Variants in SYT14 observed in about 807,000 individuals in gnomAD.
SYT14 encodes the protein synaptotagmin-14.
Under a neutral mutation model 74.2 loss-of-function variants are expected in SYT14, and 32 were observed. That is an observed-to-expected ratio of 0.43 (90% confidence interval 0.33 to 0.58). The LOEUF is 0.58. Among genes scored for constraint, SYT14 ranks in the 20% least tolerant of loss-of-function variants. The probability of loss-of-function intolerance (pLI) is 0.05; values close to 1 mark genes in which losing one functional copy is unlikely to be tolerated. For missense variants in SYT14, 791 were observed against 981.8 expected (o/e 0.81, Z 2.60); for synonymous variants, 298 against 337.7 (o/e 0.88, Z 1.29).
chr1:210,169,553 AAATT>A (rs1331752578), exon 10 of SYT14: 2 of 151,900 alleles, frequency 1.3e-5, no homozygotes, highest in Admixed American at 6.6e-5. Context: ...TTGCGTTATA[AAATT>A]AATTGATTTA....
At chr1:209,974,513 G>T (rs2079320171) in intron 2 of SYT14, among the ~76,000 whole-genome samples, 1 of 151,704 alleles carries the variant, frequency 6.6e-6, no homozygotes, top group Non-Finnish European at 1.5e-5. Context: ...TCAAAGATCG[G>T]GTGGTTGTAG....
intron 6 of SYT14, among the ~76,000 whole-genome samples, chr1:210,097,573 T>G (rs1288408919): frequency 1.3e-5 from 2 of 151,990 alleles, no homozygotes; most frequent in African/African-American, 4.8e-5. Context: ...AAAATAGCTA[T>G]CTAGGACCTG....
intron 7 of SYT14, among the ~76,000 whole-genome samples, chr1:210,153,523 T>C (rs573266674): frequency 6.6e-6 from 1 of 152,324 alleles, no homozygotes; most frequent in South Asian, 2.1e-4. Flanking sequence ...CTACATATTT[T>C]ATATTTAAAT....
In SYT14 at chr1:209,993,259, G is replaced by T. The variant is rs55912462; in HGVS notation, c.-485-20374G>T. Among the ~76,000 whole-genome samples, 68 of 152,364 alleles carry T rather than the reference G, an allele frequency of 4.5e-4. 1 individual carries two copies. Among genetic ancestry groups the T allele is most frequent in the African/African-American group, 1.6e-3 (67 of 41,594 alleles). ...GCCATGGAACAGGGGCACATCTGTT[G>T]TGCAAGCTCGCCTGTCGACTGCCCC... On this transcript the variant is annotated intron_variant, in intron 2 of 9. Transcript: ENST00000637265.
intron 4 of SYT14, among the ~76,000 whole-genome samples, chr1:210,017,668 T>C (rs548196063): frequency 2.6e-5 from 4 of 152,326 alleles, no homozygotes; most frequent in African/African-American, 9.6e-5. Flanking sequence ...TAATCTATTA[T>C]TATTCATGAG....
At chr1:209,963,601 C>T (rs2079109938) in intron 2 of SYT14, among the ~76,000 whole-genome samples, 1 of 152,118 alleles carries the variant, frequency 6.6e-6, no homozygotes, top group African/African-American at 2.4e-5. Flanking sequence ...CTGTCATTTT[C>T]ATGAGGAGAA....
chr1:210,120,337 A>G (rs1269630800), intron 7 of SYT14, among the ~76,000 whole-genome samples: 1 of 149,950 alleles, frequency 6.7e-6, no homozygotes, highest in East Asian at 2.0e-4. Context: ...CGGTCTTATT[A>G]CCGTAAATTT....
intron 8 of SYT14, among the ~76,000 whole-genome samples, chr1:210,158,255 A>G (rs933412875): frequency 6.6e-6 from 1 of 152,178 alleles, no homozygotes; most frequent in Non-Finnish European, 1.5e-5. Flanking sequence ...GGCCTGGGGG[A>G]TAACTGAAAT....
chr1:209,985,820 C>G (rs987472493), intron 2 of SYT14, among the ~76,000 whole-genome samples: 1 of 152,242 alleles, frequency 6.6e-6, no homozygotes, highest in African/African-American at 2.4e-5. Context: ...TACATGGAAG[C>G]CTCCAAGGCT....
chr1:209,954,948 T>C (rs1425349742), intron 2 of SYT14, among the ~76,000 whole-genome samples: 1 of 152,098 alleles, frequency 6.6e-6, no homozygotes, highest in Non-Finnish European at 1.5e-5. Flanking sequence ...TCAAGTGATA[T>C]GTCCACCTCG....
At chr1:210,157,035 G>A (rs530249391) in intron 8 of SYT14, among the ~76,000 whole-genome samples, 14 of 152,058 alleles carry the variant, frequency 9.2e-5, no homozygotes, top group Middle Eastern at 3.4e-3. Context: ...TGTTAATGCC[G>A]TAAACTAAAA....
At chr1:210,059,445 TATATATAGAG>T (rs1361547665) in intron 5 of SYT14, among the ~76,000 whole-genome samples, 9 of 96,798 alleles carry the variant, frequency 9.3e-5, no homozygotes, top group South Asian at 3.6e-4. Flanking sequence ...TATATATATA[TATATATAGAG>T]AGAGAGAGAG....
intron 5 of SYT14, among the ~76,000 whole-genome samples, chr1:210,048,453 C>A (rs2080926966): frequency 1.3e-5 from 2 of 152,306 alleles, no homozygotes; most frequent in African/African-American, 4.8e-5. Flanking sequence ...GCAGACAAGA[C>A]AAGAGAGCTG....
intron 2 of SYT14, among the ~76,000 whole-genome samples, chr1:209,996,567 A>G (rs1432331392): frequency 1.3e-5 from 2 of 152,142 alleles, no homozygotes; most frequent in South Asian, 2.1e-4. Context: ...AAACTATTCC[A>G]GGAAATCAAG....
At chr1:210,160,673 T>C in intron 9 of SYT14, 56 bp from the exon 9 acceptor site, 2 of 1,477,866 alleles carry the variant, frequency 1.4e-6, no homozygotes, top group South Asian at 1.2e-5. Context: ...CTATAAAAAA[T>C]TGTTTTGAGT....
At chr1:210,151,377 G>A (rs1487119360) in intron 7 of SYT14, among the ~76,000 whole-genome samples, 3 of 152,016 alleles carry the variant, frequency 2.0e-5, no homozygotes, top group African/African-American at 7.2e-5. Flanking sequence ...AGACAGCATC[G>A]ATATTTAATT....
chr1:209,992,476 A>G (rs1185442207), intron 2 of SYT14, among the ~76,000 whole-genome samples: 2 of 152,208 alleles, frequency 1.3e-5, no homozygotes, highest in African/African-American at 2.4e-5. Flanking sequence ...TGGGAGATAA[A>G]TAATGTGTAC....
chr1:209,969,195 T>C (rs1218235637), intron 2 of SYT14, among the ~76,000 whole-genome samples: 1 of 152,180 alleles, frequency 6.6e-6, no homozygotes, highest in African/African-American at 2.4e-5. Context: ...TGAATAATGC[T>C]GTGGTGAACA....
At chr1:209,945,273 G>A (rs918251507) in intron 1 of SYT14, among the ~76,000 whole-genome samples, 6 of 152,164 alleles carry the variant, frequency 3.9e-5, no homozygotes, top group Non-Finnish European at 8.8e-5. Context: ...GCACAGGTTT[G>A]CAAAGACAGT....
Sources: allele counts gnomAD v4.1 joint callset (sites outside exome capture counted in the v4.1 genomes callset), GRCh38; gene constraint gnomAD v4.1.1; transcripts MANE v1.5; gene names NCBI Gene and HGNC (gene_info 2026-07-23, HGNC 2026-07-21).